CDK8: variants seen among roughly 807,000 people sequenced by gnomAD.
CDK8 encodes cyclin dependent kinase 8.
In CDK8, 29 loss-of-function variants were observed where a neutral mutation model predicts 71.5. That is an observed-to-expected ratio of 0.41 (90% CI 0.30 to 0.55). The LOEUF (loss-of-function observed/expected upper bound fraction) is 0.55, where lower values mean the gene tolerates loss of function less well. Among genes scored for constraint, CDK8 ranks in the 20% least tolerant of loss-of-function variants. CDK8 has a pLI of 0.37. For synonymous variants in CDK8, 161 were observed against 192.1 expected (o/e 0.84, Z 1.34); for missense variants, 288 against 572.6 (o/e 0.50, Z 5.07).
chr13:26,316,161 C>A lies in CDK8; in HGVS notation c.129-21406C>A, dbSNP rs113894470. Among the ~76,000 whole-genome samples, 955 of 152,256 alleles carry A rather than the reference C, an allele frequency of 6.3e-3. 5 individuals carry two copies. The highest frequency in any genetic ancestry group is 0.017 in the Middle Eastern group (5 of 294). On this transcript the variant is annotated intron_variant, in intron 1 of 12. Transcript: ENST00000381527. ...GTCAGTTGAGTCCAGGAGTTCTAGA[C>A]CAGCCTGGGCAACATGGCAAAAGCC...
intron 1 of CDK8, among the ~76,000 whole-genome samples, chr13:26,320,435 A>G (rs1254244605): frequency 6.6e-6 from 1 of 152,034 alleles, no homozygotes; most frequent in African/African-American, 2.4e-5. Flanking sequence ...AAAAGAAACA[A>G]AAAAACAATG....
chr13:26,288,981 C>T (rs1253761179), intron 1 of CDK8, among the ~76,000 whole-genome samples: 3 of 151,746 alleles, frequency 2.0e-5, no homozygotes, highest in African/African-American at 7.3e-5. Flanking sequence ...TCAGATGATC[C>T]TCCCACCTCA....
chr13:26,384,312 T>G (rs575148617), intron 5 of CDK8, among the ~76,000 whole-genome samples: 1 of 152,212 alleles, frequency 6.6e-6, no homozygotes, highest in South Asian at 2.1e-4. Context: ...AAATGTGTAT[T>G]AGGAAAATAG....
chr13:26,323,529 T>C (rs1463650209), intron 1 of CDK8, among the ~76,000 whole-genome samples: 3 of 152,130 alleles, frequency 2.0e-5, no homozygotes, highest in Non-Finnish European at 4.4e-5. Context: ...CATATGAAAT[T>C]TGGGGGGAGA....
chr13:26,289,502 A>G (rs772808522), intron 1 of CDK8, among the ~76,000 whole-genome samples: 3 of 152,132 alleles, frequency 2.0e-5, no homozygotes, highest in Non-Finnish European at 2.9e-5. Context: ...TTTGAAGGAT[A>G]CAGTTGGTTT....
chr13:26,330,754 A>C (rs1875277505), intron 1 of CDK8, among the ~76,000 whole-genome samples: 1 of 152,172 alleles, frequency 6.6e-6, no homozygotes, highest in African/African-American at 2.4e-5. Flanking sequence ...ATGTTGCTGC[A>C]AATGACATGA....
At position 26,397,676 on chromosome 13, in the gene CDK8, C is replaced by T. The variant is rs911879108; in HGVS notation, c.933+451C>T. On this transcript the variant is annotated intron_variant, in intron 9 of 12. Transcript: ENST00000381527. ...ACCTTAAATGTTAACAGTCATTCAG[C>T]GATTATATGTGCTATTTGATTTTTC... is the stretch of plus-strand genomic sequence containing the variant. Among the ~76,000 whole-genome samples the T allele has an allele frequency of 7.2e-5, 11 of 151,974 alleles. 1 individual carries two copies. Among genetic ancestry groups the T allele is most frequent in the Admixed American group, 3.3e-4 (5 of 15,252 alleles).
rs904411723 is a variant in CDK8 at position 26,262,775 on chromosome 13, C to A, written c.128+8006C>A. On this transcript the variant is annotated intron_variant, in intron 1 of 12. Coordinates refer to ENST00000381527, the MANE Select transcript of CDK8 (RefSeq NM_001260.3). ...AATCACAGTTGGCATTTAATTTTGC[C>A]TAAAATCACTGGTCTGTATAGCATG... is the stretch of plus-strand genomic sequence containing the variant. Among the ~76,000 whole-genome samples the A allele has an allele frequency of 2.6e-5, 4 of 152,184 alleles. No individual in the cohort carries two copies. In the South Asian group the frequency reaches 8.3e-4, roughly 32 times the overall value.
At chr13:26,396,243 A>G (rs758171316) in intron 7 of CDK8, 42 bp from the exon 8 acceptor site, 4 of 839,052 alleles carry the variant, frequency 4.8e-6, no homozygotes, top group South Asian at 2.0e-5. Context: ...TCTCAAGAAT[A>G]GGAACTTAGG....
At chr13:26,380,260 A>G (rs1593300835) in intron 4 of CDK8, among the ~76,000 whole-genome samples, 1 of 151,624 alleles carries the variant, frequency 6.6e-6, no homozygotes, top group Non-Finnish European at 1.5e-5. Flanking sequence ...GGTCACTGCA[A>G]CCTCCGCCTC....
chr13:26,401,184 A>G lies in CDK8; in HGVS notation c.1032-85A>G, dbSNP rs988737128. ...AATATGGAGACAAAGTTCATCTTAA[A>G]AGATTAAAATGAGAATCTCCTAAAT... On this transcript the variant is annotated intron_variant, in intron 10 of 12. Transcript: ENST00000381527. The surrounding 1 kb of genome is among the most constrained non-coding windows in gnomAD (Gnocchi z 4.5). 1.1e-5 allele frequency: 12 copies of G among 1,051,072 alleles called. No homozygotes were observed. Among genetic ancestry groups the G allele is most frequent in the Admixed American group, 1.1e-4 (5 of 43,812 alleles). 65.1% of individuals were successfully genotyped at this position (1,051,072 alleles called of 1,614,324 possible).
chr13:26,331,955 T>C (rs1271470134), intron 1 of CDK8, among the ~76,000 whole-genome samples: 2 of 152,276 alleles, frequency 1.3e-5, no homozygotes, highest in East Asian at 3.9e-4. Flanking sequence ...CTGGGATGTT[T>C]TTCCTTTTGT....
chr13:26,254,250 G>A lies in CDK8; in HGVS notation c.-392G>A, dbSNP rs12871276. ...GGCGTGAGTGCGCGTGTGAGAGGAC[G>A]AGAGCCCGCCTGGCCGCCCCGCCGC... On this transcript the variant is annotated 5_prime_UTR_variant, in exon 1 of 13. Coordinates refer to ENST00000381527, the MANE Select transcript of CDK8 (RefSeq NM_001260.3). The surrounding 1 kb of genome is among the most constrained non-coding windows in gnomAD (Gnocchi z 6.7). 3.2e-5 allele frequency: 9 copies of A among 277,250 alleles called. No individual in the cohort carries two copies. Among genetic ancestry groups the A allele is most frequent in the African/African-American group, 1.5e-4 (7 of 45,420 alleles). The allele number at this position is 277,250 out of a possible 1,614,324, so 17.2% of individuals were successfully genotyped here.
intron 1 of CDK8, among the ~76,000 whole-genome samples, chr13:26,295,912 T>G (rs1443749541): frequency 2.6e-5 from 4 of 152,252 alleles, no homozygotes; most frequent in African/African-American, 9.6e-5. Context: ...CATTAGAGAT[T>G]CTTCTCCTTT....
chr13:26,372,976 T>C (rs1386389396), intron 4 of CDK8, among the ~76,000 whole-genome samples: 1 of 152,196 alleles, frequency 6.6e-6, no homozygotes, highest in Non-Finnish European at 1.5e-5. Flanking sequence ...CTGTGAATTA[T>C]GCCATACCCA....
In CDK8 at chr13:26,324,611, AC is replaced by A. The variant is rs576683933; in HGVS notation, c.129-12954del. 4.0e-3 allele frequency among the ~76,000 whole-genome samples: 607 copies of A among 152,230 alleles called. 4 individuals are homozygous for A. Among genetic ancestry groups the A allele is most frequent in the African/African-American group, 0.014 (567 of 41,536 alleles). On this transcript the variant is annotated intron_variant, in intron 1 of 12. Transcript: ENST00000381527. ...ATCTATGAAATAGCAGGAAATACTA[AC>A]CATTTGAGTGCAAAAGTATTCGTGT... is the stretch of plus-strand genomic sequence containing the variant.
chr13:26,340,792 G>T lies in CDK8; in HGVS notation c.204+3150G>T, dbSNP rs184807804. 7.2e-5 allele frequency among the ~76,000 whole-genome samples: 11 copies of T among 152,272 alleles called. No homozygotes were observed. The East Asian group carries it at 2.1e-3, about 29-fold the overall frequency. ...ATCTGTTCCCCCAACCCTCTAGACT[G>T]TAATGCGTTTCTTCCCCAGTTTGTG... On this transcript the variant is annotated intron_variant, in intron 2 of 12. Transcript: ENST00000381527.
intron 1 of CDK8, among the ~76,000 whole-genome samples, chr13:26,289,314 A>G (rs1182423603): frequency 6.6e-6 from 1 of 152,074 alleles, no homozygotes; most frequent in Non-Finnish European, 1.5e-5. Context: ...TGGCCTCCCA[A>G]AGTGCTGGGA....
At chr13:26,384,314 G>A (rs1363393106) in intron 5 of CDK8, among the ~76,000 whole-genome samples, 1 of 151,786 alleles carries the variant, frequency 6.6e-6, no homozygotes, top group Non-Finnish European at 1.5e-5. Context: ...ATGTGTATTA[G>A]GAAAATAGAA....
Sources: gnomAD v4.1 joint callset for allele counts (sites outside exome capture counted in the v4.1 genomes callset) on GRCh38, gnomAD v4.1.1 for gene constraint, Gnocchi (gnomAD v3.1) non-coding constraint, MANE v1.5 for transcripts, NCBI Gene and HGNC (gene_info 2026-07-23, HGNC 2026-07-21) for gene names.